Variants in MITF observed in about 807,000 individuals in gnomAD.
The protein encoded by MITF is melanocyte inducing transcription factor.
In MITF, 17 loss-of-function variants were observed where a neutral mutation model predicts 60.5. The ratio of observed to expected loss-of-function variants is 0.28; its 90% confidence interval spans 0.19 to 0.42. MITF has a LOEUF of 0.42. Ranked by LOEUF, MITF falls within the 10% of genes least tolerant of loss-of-function variation. MITF has a pLI of 1.00. For missense variants in MITF, 622 were observed against 683.5 expected, an observed-to-expected ratio of 0.91 and a Z score of 1.00; for synonymous variants, 260 against 248.5, an observed-to-expected ratio of 1.05 and a Z score of -0.43.
intron 1 of MITF, among the ~76,000 whole-genome samples, chr3:69,822,744 A>G (rs1257601196): frequency 6.6e-6 from 1 of 152,122 alleles, no homozygotes; most frequent in Non-Finnish European, 1.5e-5. Context: ...CCACCCACAT[A>G]CAAACACCAA....
At chr3:69,930,532 A>G (rs544332787) in intron 2 of MITF, among the ~76,000 whole-genome samples, 1 of 152,302 alleles carries the variant, frequency 6.6e-6, no homozygotes, top group South Asian at 2.1e-4. Context: ...CTGGGCGTCA[A>G]TGTCATACTC....
chr3:69,919,109 C>T (rs2065403950), intron 2 of MITF, among the ~76,000 whole-genome samples: 3 of 152,084 alleles, frequency 2.0e-5, no homozygotes, highest in Admixed American at 1.3e-4. Context: ...TATTTCAATA[C>T]CAAAACGGGG....
At chr3:69,838,129 A>G (rs975816069) in intron 1 of MITF, among the ~76,000 whole-genome samples, 1 of 152,216 alleles carries the variant, frequency 6.6e-6, no homozygotes, top group African/African-American at 2.4e-5. Context: ...AAGAAGATAG[A>G]GTAGAATTGA....
intron 1 of MITF, among the ~76,000 whole-genome samples, chr3:69,776,061 G>T (rs2062469271): frequency 6.6e-6 from 1 of 152,204 alleles, no homozygotes; most frequent in Admixed American, 6.5e-5. Flanking sequence ...TAAAGAGGTG[G>T]AAAATCTGAT....
At chr3:69,845,244 G>A (rs1229214180) in intron 1 of MITF, among the ~76,000 whole-genome samples, 1 of 151,938 alleles carries the variant, frequency 6.6e-6, no homozygotes, top group Non-Finnish European at 1.5e-5. Context: ...AAAGAAGCAA[G>A]AGGTATTAAA....
At position 69,837,543 on chromosome 3, in the gene MITF, C is replaced by T. The variant is rs192019479; in HGVS notation, c.105-41591C>T. On this transcript the variant is annotated intron_variant, in intron 1 of 9. Transcript: ENST00000352241. ...CTGTTCGTGTGTATTTAAAAAATTT[C>T]CAATCATAAACATTTGTAATAAAAA... is the stretch of plus-strand genomic sequence containing the variant. 3.5e-3 allele frequency among the ~76,000 whole-genome samples: 535 copies of T among 152,228 alleles called. 3 individuals carry two copies. Among genetic ancestry groups the T allele is most frequent in the Middle Eastern group, 0.024 (7 of 292 alleles).
chr3:69,748,240 C>A (rs1703805927), intron 1 of MITF, among the ~76,000 whole-genome samples: 1 of 152,098 alleles, frequency 6.6e-6, no homozygotes, highest in Non-Finnish European at 1.5e-5. Flanking sequence ...TGATAATTTT[C>A]TTTCTTTCTT....
chr3:69,948,179 G>A (rs1383431292), intron 5 of MITF, among the ~76,000 whole-genome samples: 2 of 152,074 alleles, frequency 1.3e-5, no homozygotes, highest in Admixed American at 6.6e-5. Context: ...GTCAGTCAAC[G>A]ATTTCTCCAT....
chr3:69,878,974 T>C (rs2064417697), intron 1 of MITF, 160 bp from the exon 2 acceptor site: 1 of 662,208 alleles, frequency 1.5e-6, no homozygotes, highest in African/African-American at 1.8e-5. Context: ...TTAAATCCTG[T>C]CACCTCTTGA....
chr3:69,864,690 C>T lies in MITF; in HGVS notation c.105-14444C>T, dbSNP rs2064079560. 2.0e-5 allele frequency among the ~76,000 whole-genome samples: 3 copies of T among 152,100 alleles called. No homozygotes were observed. In the South Asian group the frequency reaches 6.2e-4, roughly 32 times the overall value. Reference sequence around the variant, plus strand: ...CTTGAAACAGAATCAGTGACCTTTCCCTGGCCTACCAGATCCTTCATGGTC... The same window carrying T: ...CTTGAAACAGAATCAGTGACCTTTCTCTGGCCTACCAGATCCTTCATGGTC... On this transcript the variant is annotated intron_variant, in intron 1 of 9. Coordinates refer to ENST00000352241, the MANE Select transcript of MITF (RefSeq NM_001354604.2).
intron 1 of MITF, among the ~76,000 whole-genome samples, chr3:69,760,741 T>C (rs1559613911): frequency 6.6e-6 from 1 of 152,178 alleles, no homozygotes; most frequent in Non-Finnish European, 1.5e-5. Flanking sequence ...GCGCTGGTAG[T>C]CTCTACTTCA....
At chr3:69,836,327 C>G (rs551117483) in intron 1 of MITF, among the ~76,000 whole-genome samples, 4 of 152,024 alleles carry the variant, frequency 2.6e-5, no homozygotes, top group Admixed American at 6.6e-5. Context: ...ATTTTTGTAT[C>G]CTGCAACATT....
At chr3:69,845,564 G>A (rs1012401356) in intron 1 of MITF, among the ~76,000 whole-genome samples, 1 of 151,558 alleles carries the variant, frequency 6.6e-6, no homozygotes, top group South Asian at 2.1e-4. Context: ...GAACTGAAGA[G>A]TTAAGTAATT....
intron 8 of MITF, among the ~76,000 whole-genome samples, chr3:69,957,951 C>G (rs367744717): frequency 3.3e-5 from 5 of 152,230 alleles, no homozygotes; most frequent in Admixed American, 2.0e-4. Context: ...GGTCTCAGCC[C>G]GGTACCTTTT....
intron 1 of MITF, among the ~76,000 whole-genome samples, chr3:69,743,348 A>C (rs902182888): frequency 6.6e-6 from 1 of 152,200 alleles, no homozygotes; most frequent in Non-Finnish European, 1.5e-5. Flanking sequence ...TAACCCACTC[A>C]AGGTATGGTA....
intron 1 of MITF, chr3:69,838,469 T>A: frequency 6.6e-6 from 1 of 152,644 alleles, no homozygotes; most frequent in East Asian, 1.9e-4. Context: ...ACTGTACATT[T>A]GCAGAAGTTC....
intron 1 of MITF, among the ~76,000 whole-genome samples, chr3:69,817,030 T>A (rs992693108): frequency 1.3e-5 from 2 of 152,188 alleles, no homozygotes; most frequent in Non-Finnish European, 2.9e-5. Context: ...GAAAAATTCA[T>A]TGATGACTTC....
chr3:69,954,175 A>G (rs147594032), intron 7 of MITF, among the ~76,000 whole-genome samples: 7,411 of 152,234 alleles, frequency 0.049, 232 homozygotes, highest in Non-Finnish European at 0.078. Context: ...TGTCAGCTAT[A>G]TGCTGGTGAG....
intron 1 of MITF, among the ~76,000 whole-genome samples, chr3:69,742,298 G>A (rs1703554414): frequency 1.3e-5 from 2 of 152,102 alleles, no homozygotes; most frequent in South Asian, 4.1e-4. Context: ...GGCCAGAGAT[G>A]CTGCTAAACA....
Sources: gnomAD v4.1 joint callset for allele counts (sites outside exome capture counted in the v4.1 genomes callset) on GRCh38, gnomAD v4.1.1 for gene constraint, MANE v1.5 for transcripts, NCBI Gene and HGNC (gene_info 2026-07-23, HGNC 2026-07-21) for gene names.